GALNTL6: variants seen among roughly 807,000 people sequenced by gnomAD.
GALNTL6 encodes polypeptide N-acetylgalactosaminyltransferase-like 6.
Under a neutral mutation model 73.7 loss-of-function variants are expected in GALNTL6, and 46 were observed. The ratio of observed to expected loss-of-function variants is 0.62; its 90% CI spans 0.49 to 0.80. GALNTL6 has a LOEUF of 0.80. Ranked by LOEUF, GALNTL6 falls within the 30% of genes least tolerant of loss-of-function variation. GALNTL6 has a pLI of 0.00. For synonymous variants in GALNTL6, 259 were observed against 263.7 expected (o/e 0.98, Z 0.17); for missense variants, 604 against 755.0 (o/e 0.80, Z 2.34).
chr4:172,603,266 A>G (rs1738136088), intron 5 of GALNTL6, among the ~76,000 whole-genome samples: 1 of 152,226 alleles, frequency 6.6e-6, no homozygotes. Flanking sequence ...ACATAAATAC[A>G]CATATCCTAA....
At chr4:171,901,303 C>T (rs1465396864) in intron 2 of GALNTL6, among the ~76,000 whole-genome samples, 1 of 152,076 alleles carries the variant, frequency 6.6e-6, no homozygotes, top group Non-Finnish European at 1.5e-5. Flanking sequence ...ATGATTGAAC[C>T]ATTTTCCATA....
intron 2 of GALNTL6, among the ~76,000 whole-genome samples, chr4:171,818,851 C>T (rs1024918873): frequency 2.5e-4 from 38 of 151,986 alleles, no homozygotes; most frequent in African/African-American, 8.2e-4. Flanking sequence ...TTGTCTAATT[C>T]ATCTAATGTT....
At chr4:172,177,798 TACAC>T (rs66997029) in intron 2 of GALNTL6, among the ~76,000 whole-genome samples, 174 of 134,824 alleles carry the variant, frequency 1.3e-3, no homozygotes, top group African/African-American at 5.0e-3. Flanking sequence ...TGTATATATA[TACAC>T]ACACATATAT....
chr4:172,257,417 G>A (rs1285028058), intron 3 of GALNTL6, among the ~76,000 whole-genome samples: 2 of 151,422 alleles, frequency 1.3e-5, no homozygotes, highest in Non-Finnish European at 3.0e-5. Flanking sequence ...AGCATGAGCT[G>A]CAAGACTTTA....
At chr4:172,566,751 T>C (rs889321893) in intron 5 of GALNTL6, among the ~76,000 whole-genome samples, 1 of 151,810 alleles carries the variant, frequency 6.6e-6, no homozygotes, top group Non-Finnish European at 1.5e-5. Flanking sequence ...AAAAAATTTT[T>C]TAAGATAACA....
chr4:172,456,715 C>T (rs1229822607), intron 5 of GALNTL6, among the ~76,000 whole-genome samples: 1 of 151,814 alleles, frequency 6.6e-6, no homozygotes, highest in Non-Finnish European at 1.5e-5. Flanking sequence ...AAAAAACAAA[C>T]CTATGTTTGA....
chr4:172,317,421 C>T (rs528288525), intron 4 of GALNTL6, among the ~76,000 whole-genome samples: 9 of 152,230 alleles, frequency 5.9e-5, no homozygotes, highest in Admixed American at 2.6e-4. Context: ...AATCAGCGAT[C>T]GCGTGATCTA....
intron 4 of GALNTL6, among the ~76,000 whole-genome samples, chr4:172,345,505 A>G (rs1741709272): frequency 6.6e-6 from 1 of 152,174 alleles, no homozygotes; most frequent in Non-Finnish European, 1.5e-5. Flanking sequence ...TCGTTTTTTA[A>G]AAACTTATTT....
intron 2 of GALNTL6, among the ~76,000 whole-genome samples, chr4:172,198,331 C>T (rs574174751): frequency 6.0e-5 from 9 of 150,490 alleles, no homozygotes; most frequent in Admixed American, 6.6e-5. Flanking sequence ...AGAAAACCTA[C>T]ATAATGGGAG....
intron 3 of GALNTL6, among the ~76,000 whole-genome samples, chr4:172,256,856 C>G (rs532207674): frequency 6.6e-6 from 1 of 151,450 alleles, no homozygotes; most frequent in Non-Finnish European, 1.5e-5. Context: ...TCTGTGAAGG[C>G]AGTGACCCAT....
Position 172,443,121 on chromosome 4 carries a change from C to CATATATATAT in GALNTL6, c.553+94465_553+94474dup, listed in dbSNP as rs4048464. On this transcript the variant is annotated intron_variant, in intron 5 of 12. Transcript: ENST00000506823. ...GAAATCACCAGTAATGATCCATATACATATATATATATATATATATATATA... is the reference window on the plus strand; with the variant it reads ...GAAATCACCAGTAATGATCCATATACATATATATATATATATATATATATATATATATATA... Among the ~76,000 whole-genome samples the CATATATATAT allele has an allele frequency of 8.5e-4, 44 of 52,008 alleles. 1 individual carries two copies. The highest frequency in any genetic ancestry group is 1.1e-3 in the Admixed American group (3 of 2,772). The allele number at this position is 52,008 out of a possible 152,430, so 34.1% of individuals were successfully genotyped here.
At chr4:172,346,904 TG>T (rs1329352974) in intron 4 of GALNTL6, among the ~76,000 whole-genome samples, 2 of 152,158 alleles carry the variant, frequency 1.3e-5, no homozygotes, top group Non-Finnish European at 2.9e-5. Flanking sequence ...CATTCTTTTT[TG>T]TCTACCCTTT....
chr4:172,214,617 T>C (rs1055123056), intron 2 of GALNTL6, among the ~76,000 whole-genome samples: 2 of 150,682 alleles, frequency 1.3e-5, no homozygotes, highest in African/African-American at 4.9e-5. Context: ...TGGGTTCAAG[T>C]GATTCTCCTG....
At chr4:171,831,071 T>A (rs1411905846) in intron 2 of GALNTL6, among the ~76,000 whole-genome samples, 1 of 152,106 alleles carries the variant, frequency 6.6e-6, no homozygotes, top group Non-Finnish European at 1.5e-5. Flanking sequence ...TATAGACTGA[T>A]ATATTTCAAG....
Position 172,397,914 on chromosome 4 carries a change from T to A in GALNTL6, c.553+49225T>A, listed in dbSNP as rs559214471. Among the ~76,000 whole-genome samples the A allele has an allele frequency of 2.0e-5, 3 of 152,280 alleles. No individual in the cohort carries two copies. The South Asian group carries it at 6.2e-4, about 32-fold the overall frequency. On this transcript the variant is annotated intron_variant, in intron 5 of 12. Transcript: ENST00000506823. ...TTTTATCTTTTCTAAATATAATTGT[T>A]GCCAGTATAGTACAAGCTAAAAGTC...
intron 5 of GALNTL6, among the ~76,000 whole-genome samples, chr4:172,597,037 T>C (rs1560827664): frequency 6.6e-6 from 1 of 152,172 alleles, no homozygotes; most frequent in Non-Finnish European, 1.5e-5. Flanking sequence ...CTTTTAACCT[T>C]GCATGAAAAC....
chr4:171,863,435 T>C (rs1735887766), intron 2 of GALNTL6, among the ~76,000 whole-genome samples: 1 of 152,208 alleles, frequency 6.6e-6, no homozygotes, highest in Admixed American at 6.5e-5. Context: ...TAACTTCAAT[T>C]CATGTATTTT....
intron 5 of GALNTL6, among the ~76,000 whole-genome samples, chr4:172,760,747 A>T (rs1227022754): frequency 6.6e-6 from 1 of 151,878 alleles, no homozygotes; most frequent in African/African-American, 2.4e-5. Context: ...TTCTAGGAGG[A>T]CCCTGATCCC....
At chr4:172,836,921 A>G (rs1742938761) in intron 7 of GALNTL6, among the ~76,000 whole-genome samples, 1 of 152,228 alleles carries the variant, frequency 6.6e-6, no homozygotes, top group Admixed American at 6.5e-5. Flanking sequence ...TAATTCATTA[A>G]AGCACTTCCC....
Sources: allele counts gnomAD v4.1 joint callset (sites outside exome capture counted in the v4.1 genomes callset), GRCh38; gene constraint gnomAD v4.1.1; transcripts MANE v1.5; gene names NCBI Gene and HGNC (gene_info 2026-07-23, HGNC 2026-07-21).